The following SNX29 variants were observed in gnomAD, a reference collection of about 807,000 sequenced individuals.
The protein encoded by SNX29 is sorting nexin-29.
Under a neutral mutation model 102.1 loss-of-function variants are expected in SNX29, and 78 were observed. The observed-to-expected ratio is 0.76, with a 90% confidence interval of 0.64 to 0.92. The LOEUF (loss-of-function observed/expected upper bound fraction) is 0.92, where lower values mean the gene tolerates loss of function less well. Ranked by LOEUF, SNX29 falls within the 40% of genes least tolerant of loss-of-function variation. SNX29 has a pLI of 0.00. For missense variants in SNX29, 1,280 were observed against 1,061.7 expected (o/e 1.21, Z -2.86); for synonymous variants, 580 against 414.5 (o/e 1.40, Z -4.85).
chr16:12,543,863 CCT>C (rs1464862422), intron 20 of SNX29, among the ~76,000 whole-genome samples: 2 of 152,196 alleles, frequency 1.3e-5, no homozygotes, highest in Non-Finnish European at 2.9e-5. Context: ...GGTGGAACAT[CCT>C]CTTACCACAC....
Position 12,274,342 on chromosome 16 carries a change from C to T in SNX29, c.1679-3591C>T, listed in dbSNP as rs543888710. ...TTCAGAAGTTGGTAGCCTGTCTTCT[C>T]TGTCCCCTGTGTTCTCAAGTCTGTG... On this transcript the variant is annotated intron_variant, in intron 14 of 20. Transcript: ENST00000566228. 1.6e-4 allele frequency among the ~76,000 whole-genome samples: 25 copies of T among 152,310 alleles called. No individual in the cohort carries two copies. The East Asian group carries it at 4.6e-3, about 28-fold the overall frequency.
At chr16:12,013,842 G>GA (rs964222923) in intron 3 of SNX29, among the ~76,000 whole-genome samples, 1 of 150,896 alleles carries the variant, frequency 6.6e-6, no homozygotes, top group African/African-American at 2.4e-5. Flanking sequence ...AGTAGAGATG[G>GA]GTTTCACCGT....
Position 12,101,301 on chromosome 16 carries a change from C to CTTTT in SNX29, c.1402+22398_1402+22401dup, listed in dbSNP as rs1212782573. ...AATGTACCTTTGTGGCCCCCCCCAA[C>CTTTT]TTTTTTTTTTTTTTTGCCTTGCAGA... On this transcript the variant is annotated intron_variant, in intron 11 of 20. Transcript: ENST00000566228. Among the ~76,000 whole-genome samples the CTTTT allele has an allele frequency of 2.5e-4, 30 of 118,574 alleles. 6 individuals carry two copies. Among genetic ancestry groups the CTTTT allele is most frequent in the Admixed American group, 5.4e-4 (6 of 11,170 alleles). The allele number at this position is 118,574 out of a possible 152,430, so 77.8% of individuals were successfully genotyped here. A position where few individuals can be genotyped will look rare whatever the true frequency, so the allele number is the denominator to read the frequency against.
At chr16:12,228,778 G>T (rs796114637) in intron 14 of SNX29, among the ~76,000 whole-genome samples, 4 of 152,304 alleles carry the variant, frequency 2.6e-5, no homozygotes, top group African/African-American at 9.6e-5. Flanking sequence ...ACCGTCTCTT[G>T]AGTTTTCCCA....
chr16:12,083,249 T>C (rs1372852781), intron 11 of SNX29, among the ~76,000 whole-genome samples: 1 of 149,392 alleles, frequency 6.7e-6, no homozygotes, highest in African/African-American at 2.5e-5. Context: ...AAGGCTGCAG[T>C]GAGCTGAGAT....
chr16:12,301,080 A>G (rs556593433), intron 15 of SNX29, among the ~76,000 whole-genome samples: 15 of 152,212 alleles, frequency 9.9e-5, no homozygotes, highest in African/African-American at 2.9e-4. Context: ...CTAGCTAATC[A>G]AGTTAAACAG....
At chr16:12,226,656 C>G (rs2077619600) in intron 14 of SNX29, among the ~76,000 whole-genome samples, 2 of 150,658 alleles carry the variant, frequency 1.3e-5, no homozygotes. Flanking sequence ...TCACTGCAAC[C>G]TCTGCCTCCT....
chr16:12,448,526 T>C (rs2086164457), intron 18 of SNX29, among the ~76,000 whole-genome samples: 1 of 152,188 alleles, frequency 6.6e-6, no homozygotes, highest in African/African-American at 2.4e-5. Context: ...CAGTTATTTT[T>C]CATGGTGACA....
chr16:12,088,851 T>C (rs1209498641), intron 11 of SNX29, among the ~76,000 whole-genome samples: 6 of 152,120 alleles, frequency 3.9e-5, no homozygotes, highest in Non-Finnish European at 8.8e-5. Context: ...TTTGGGAGGC[T>C]GAGGCGGGCG....
At chr16:12,147,895 G>C (rs1007581053) in intron 13 of SNX29, among the ~76,000 whole-genome samples, 2 of 152,122 alleles carry the variant, frequency 1.3e-5, no homozygotes, top group African/African-American at 4.8e-5. Flanking sequence ...TTTTTATTTT[G>C]GAGCCTGGGA....
At chr16:12,474,583 T>G (rs1353608816) in intron 18 of SNX29, among the ~76,000 whole-genome samples, 1 of 152,154 alleles carries the variant, frequency 6.6e-6, no homozygotes, top group Non-Finnish European at 1.5e-5. Flanking sequence ...GCATATACAT[T>G]ATGAAAAATG....
chr16:12,226,454 A>G (rs2077612623), intron 14 of SNX29, among the ~76,000 whole-genome samples: 1 of 151,924 alleles, frequency 6.6e-6, no homozygotes, highest in Non-Finnish European at 1.5e-5. Context: ...TATAGACTGT[A>G]TGGTTGATAG....
At chr16:12,124,247 G>T (rs1435443196) in intron 11 of SNX29, among the ~76,000 whole-genome samples, 1 of 151,782 alleles carries the variant, frequency 6.6e-6, no homozygotes. Context: ...TCTCAGGTAC[G>T]TGGGAGACTG....
At chr16:11,976,857 G>T (rs1322111493) in intron 1 of SNX29, 44 bp downstream of exon 1, 5 of 1,328,110 alleles carry the variant, frequency 3.8e-6, no homozygotes, top group Admixed American at 7.7e-5. Context: ...GGCCGCCCCG[G>T]CTCCCGCCGC....
chr16:12,553,071 A>G (rs2078088846), intron 20 of SNX29, among the ~76,000 whole-genome samples: 1 of 152,004 alleles, frequency 6.6e-6, no homozygotes, highest in South Asian at 2.1e-4. Context: ...GCAAAGCAAC[A>G]CTCACCTGCA....
intron 20 of SNX29, among the ~76,000 whole-genome samples, chr16:12,559,835 C>A (rs1399736829): frequency 6.6e-6 from 1 of 152,152 alleles, no homozygotes; most frequent in Non-Finnish European, 1.5e-5. Flanking sequence ...CTCTGGCATT[C>A]TAATGCCAGA....
At chr16:12,565,022 C>G (rs534961310) in intron 20 of SNX29, among the ~76,000 whole-genome samples, 3 of 152,198 alleles carry the variant, frequency 2.0e-5, no homozygotes, top group East Asian at 3.9e-4. Flanking sequence ...GGACGCCAGT[C>G]CTGGGATGAG....
At chr16:12,499,960 A>C (rs1351676203) in intron 19 of SNX29, among the ~76,000 whole-genome samples, 2 of 151,920 alleles carry the variant, frequency 1.3e-5, no homozygotes, top group Non-Finnish European at 2.9e-5. Flanking sequence ...TACAGGTATG[A>C]GCCATGGTGC....
At chr16:11,990,571 G>A (rs958656695) in intron 1 of SNX29, among the ~76,000 whole-genome samples, 1 of 152,098 alleles carries the variant, frequency 6.6e-6, no homozygotes, top group African/African-American at 2.4e-5. Flanking sequence ...GGATTTTGGG[G>A]GGTGGGATGG....
Sources: allele counts gnomAD v4.1 joint callset (sites outside exome capture counted in the v4.1 genomes callset), GRCh38; gene constraint gnomAD v4.1.1; transcripts MANE v1.5; gene names NCBI Gene and HGNC (gene_info 2026-07-23, HGNC 2026-07-21).